Variants in CCDC7 observed in about 807,000 individuals in gnomAD.
CCDC7 encodes the protein coiled-coil domain containing 7.
Under a neutral mutation model 196.9 loss-of-function variants are expected in CCDC7, and 183 were observed. The ratio of observed to expected loss-of-function variants is 0.93; its 90% confidence interval spans 0.82 to 1.05. The LOEUF (loss-of-function observed/expected upper bound fraction) is 1.05, where lower values mean the gene tolerates loss of function less well. CCDC7 is among the 50% of genes least tolerant of loss of function. The probability of loss-of-function intolerance (pLI) is 0.00; values close to 1 mark genes in which losing one functional copy is unlikely to be tolerated. For missense variants in CCDC7, 1,540 were observed against 1,482.2 expected (o/e 1.04, Z -0.64); for synonymous variants, 525 against 484.6 (o/e 1.08, Z -1.10).
intron 40 of CCDC7, among the ~76,000 whole-genome samples, chr10:32,853,996 A>G (rs2093659852): frequency 6.6e-6 from 1 of 152,190 alleles, no homozygotes; most frequent in African/African-American, 2.4e-5. Context: ...GGCAGTGAGC[A>G]CAGTGCCCAA....
chr10:32,600,133 T>C (rs1045481825), intron 18 of CCDC7, among the ~76,000 whole-genome samples: 1 of 152,102 alleles, frequency 6.6e-6, no homozygotes, highest in Non-Finnish European at 1.5e-5. Flanking sequence ...TTGATAGGAA[T>C]TGCATTGATT....
intron 20 of CCDC7, among the ~76,000 whole-genome samples, chr10:32,657,026 C>G (rs1183525948): frequency 6.6e-6 from 1 of 152,220 alleles, no homozygotes; most frequent in African/African-American, 2.4e-5. Flanking sequence ...CCAAAATGAT[C>G]TTCTTTGACT....
At chr10:32,778,884 A>C in intron 28 of CCDC7, 93 bp from the exon 30 acceptor site, 1 of 851,714 alleles carries the variant, frequency 1.2e-6, no homozygotes, top group Admixed American at 2.5e-5. Context: ...CGTTGTAGAG[A>C]TCTTTCACCT....
intron 29 of CCDC7, among the ~76,000 whole-genome samples, chr10:32,779,474 G>T (rs1412492684): frequency 6.6e-6 from 1 of 152,160 alleles, no homozygotes; most frequent in Non-Finnish European, 1.5e-5. Context: ...TACCATATAG[G>T]CAATATGGCT....
At chr10:32,607,847 TTTCTC>T (rs1048908893) in intron 18 of CCDC7, among the ~76,000 whole-genome samples, 3 of 152,188 alleles carry the variant, frequency 2.0e-5, no homozygotes, top group African/African-American at 7.2e-5. Context: ...TAGGAAGAAT[TTTCTC>T]TTCAATTTTA....
At chr10:32,657,161 G>C (rs575243505) in intron 20 of CCDC7, among the ~76,000 whole-genome samples, 4 of 152,200 alleles carry the variant, frequency 2.6e-5, no homozygotes, top group Non-Finnish European at 5.9e-5. Context: ...GGCCTTGAGT[G>C]TCTCCAGCTT....
chr10:32,487,248 A>C (rs1264281438), intron 8 of CCDC7, among the ~76,000 whole-genome samples: 1 of 152,066 alleles, frequency 6.6e-6, no homozygotes, highest in Non-Finnish European at 1.5e-5. Context: ...ATCTTCCATC[A>C]CTGATACCCT....
At chr10:32,874,188 A>G (rs1387187101) in intron 41 of CCDC7, among the ~76,000 whole-genome samples, 1 of 148,848 alleles carries the variant, frequency 6.7e-6, no homozygotes, top group Non-Finnish European at 1.5e-5. Context: ...AAGATATATA[A>G]ATATATTAAC....
intron 13 of CCDC7, among the ~76,000 whole-genome samples, chr10:32,559,559 G>A (rs568770396): frequency 3.3e-5 from 5 of 152,244 alleles, no homozygotes; most frequent in African/African-American, 1.2e-4. Flanking sequence ...TATCCAGGTA[G>A]ACGGTCTGGA....
At chr10:32,455,956 A>G (rs968389592) in intron 2 of CCDC7, among the ~76,000 whole-genome samples, 2 of 152,002 alleles carry the variant, frequency 1.3e-5, no homozygotes, top group African/African-American at 4.8e-5. Flanking sequence ...AAATTTCAGT[A>G]CTATGAGGCT....
At chr10:32,670,408 T>A (rs994796446) in intron 21 of CCDC7, among the ~76,000 whole-genome samples, 15 of 152,010 alleles carry the variant, frequency 9.9e-5, no homozygotes, top group Non-Finnish European at 1.8e-4. Flanking sequence ...ATTATTATTA[T>A]ACTTTAAGTT....
At chr10:32,878,153 C>T (rs1209106656), downstream of CCDC7, among the ~76,000 whole-genome samples, 1 of 152,050 alleles carries the variant, frequency 6.6e-6, no homozygotes, top group East Asian at 1.9e-4. Flanking sequence ...GGAGGTATGA[C>T]TCATATGTGG....
chr10:32,623,654 G>A (rs189359942), intron 18 of CCDC7: 28 of 459,502 alleles, frequency 6.1e-5, no homozygotes, highest in Admixed American at 4.9e-4. Flanking sequence ...GTTGACATAA[G>A]GAAATACTTG....
chr10:32,493,594 T>A (rs1194486566), intron 9 of CCDC7, among the ~76,000 whole-genome samples: 1 of 151,924 alleles, frequency 6.6e-6, no homozygotes, highest in East Asian at 1.9e-4. Context: ...TCTGTTTTTA[T>A]CTTTTTTGAA....
intron 20 of CCDC7, among the ~76,000 whole-genome samples, chr10:32,653,649 C>T (rs1260310139): frequency 6.6e-6 from 1 of 152,082 alleles, no homozygotes; most frequent in Non-Finnish European, 1.5e-5. Context: ...AGCCTTTCTT[C>T]TTATAGCTGA....
intron 33 of CCDC7, among the ~76,000 whole-genome samples, chr10:32,842,074 T>C (rs2093011441): frequency 6.6e-6 from 1 of 151,760 alleles, no homozygotes; most frequent in South Asian, 2.1e-4. Flanking sequence ...CAAAAGCAAA[T>C]GCAACAAAAA....
chr10:32,446,285 C>G (rs1013303238), exon 1 of CCDC7: 1 of 152,264 alleles, frequency 6.6e-6, no homozygotes, highest in African/African-American at 2.4e-5. Flanking sequence ...GCTTCCGTCT[C>G]GAAGGAAGTC....
At chr10:32,549,665 T>C (rs1400975660) in intron 13 of CCDC7, among the ~76,000 whole-genome samples, 1 of 152,188 alleles carries the variant, frequency 6.6e-6, no homozygotes, top group Non-Finnish European at 1.5e-5. Context: ...ATTTGTTGAA[T>C]AGGGTGTCCT....
At chr10:32,764,385 T>C (rs770226460) in intron 28 of CCDC7, among the ~76,000 whole-genome samples, 7 of 151,870 alleles carry the variant, frequency 4.6e-5, no homozygotes, top group Non-Finnish European at 5.9e-5. Flanking sequence ...CAATATTGCA[T>C]GTATAGGATG....
Sources: allele counts gnomAD v4.1 joint callset (sites outside exome capture counted in the v4.1 genomes callset), GRCh38; gene constraint gnomAD v4.1.1; transcripts MANE v1.5; gene names NCBI Gene and HGNC (gene_info 2026-07-23, HGNC 2026-07-21).